VIPR2: variants seen among roughly 807,000 people sequenced by gnomAD.
VIPR2 encodes the protein vasoactive intestinal polypeptide receptor 2.
VIPR2 carries 48 observed loss-of-function variants against 58.0 expected under a neutral mutation model. That is an observed-to-expected ratio of 0.83 (90% confidence interval 0.66 to 1.05). The LOEUF is 1.05. Among genes scored for constraint, VIPR2 ranks in the 50% least tolerant of loss-of-function variants. VIPR2 has a pLI of 0.00. For synonymous variants in VIPR2, 243 were observed against 235.2 expected (o/e 1.03, Z -0.30); for missense variants, 534 against 558.0 (o/e 0.96, Z 0.43).
rs1022182568 is a variant in VIPR2, at chr7:159,036,004, T to A, written c.757A>T (p.Thr253Ser). Residue 253 changes from threonine (T) to serine (S), a missense_variant, in exon 8 of 13, where the codon ACC becomes TCC. Thr to Ser is a moderately conservative substitution (Grantham distance 58). Around this residue, in one of 3 missense-constraint regions of VIPR2, gnomAD observed 306 missense variants for 285.8 expected, o/e 1.07. Coordinates refer to ENST00000262178, the MANE Select transcript of VIPR2 (RefSeq NM_003382.5). ...GCAGTCCATGCACCGATGCAGACGGTGGGGAGGCCTGCAGAGAGACGCCTG... is the reference window on the plus strand; with the variant it reads ...GCAGTCCATGCACCGATGCAGACGGAGGGGAGGCCTGCAGAGAGACGCCTG... The part of the protein sequence containing the change: ...AYLLIGWGLP[T>S]VCIGAWTAAR... 5 of 1,613,010 alleles carry A rather than the reference T, an allele frequency of 3.1e-6. No individual in the cohort carries two copies. The African/African-American group carries it at 5.3e-5, about 17-fold the overall frequency.
chr7:159,037,154 C>G (rs912158708), intron 6 of VIPR2, among the ~76,000 whole-genome samples: 6 of 152,196 alleles, frequency 3.9e-5, no homozygotes, highest in African/African-American at 1.4e-4. Context: ...AACAGCACTG[C>G]CTGAGGTGAG....
At chr7:159,053,328 C>T (rs1855116304) in intron 5 of VIPR2, among the ~76,000 whole-genome samples, 1 of 151,876 alleles carries the variant, frequency 6.6e-6, no homozygotes, top group Non-Finnish European at 1.5e-5. Flanking sequence ...ATTTATAATA[C>T]CATAAACAAA....
chr7:159,122,570 A>G (rs956631288), intron 2 of VIPR2, among the ~76,000 whole-genome samples: 1 of 152,170 alleles, frequency 6.6e-6, no homozygotes, highest in African/African-American at 2.4e-5. Flanking sequence ...GTGCTGGCTG[A>G]CTGTGTTTCT....
intron 4 of VIPR2, among the ~76,000 whole-genome samples, chr7:159,073,898 C>G (rs1856522057): frequency 6.6e-6 from 1 of 152,162 alleles, no homozygotes; most frequent in African/African-American, 2.4e-5. Context: ...GAAGAAAATG[C>G]ACACAGGCAT....
At chr7:159,053,945 T>C (rs1430359957) in intron 5 of VIPR2, among the ~76,000 whole-genome samples, 1 of 152,114 alleles carries the variant, frequency 6.6e-6, no homozygotes, top group Non-Finnish European at 1.5e-5. Flanking sequence ...AATTAAAAAA[T>C]AAAAAAGGGT....
intron 4 of VIPR2, among the ~76,000 whole-genome samples, chr7:159,066,698 A>G (rs1212712891): frequency 1.3e-5 from 2 of 152,226 alleles, no homozygotes; most frequent in Non-Finnish European, 2.9e-5. Flanking sequence ...GAGCTCAGTG[A>G]TGATATTTCA....
chr7:159,132,924 C>CAGAATGATTGGCATACAGATTGATTTG (rs1797019787), intron 2 of VIPR2, among the ~76,000 whole-genome samples: 32 of 25,838 alleles, frequency 1.2e-3, no homozygotes, highest in South Asian at 4.3e-3. Flanking sequence ...AGATTGATTT[C>CAGAATGATTGGCATACAGATTGATTTG]AGACAGAATG....
chr7:159,074,688 A>G (rs760980248), intron 4 of VIPR2, among the ~76,000 whole-genome samples: 1 of 152,250 alleles, frequency 6.6e-6, no homozygotes, highest in Non-Finnish European at 1.5e-5. Flanking sequence ...CTAGAAATCT[A>G]TAACAACTTG....
chr7:159,059,139 C>A, intron 4 of VIPR2: 1 of 427,958 alleles, frequency 2.3e-6, no homozygotes, highest in Non-Finnish European at 4.8e-6. Flanking sequence ...TTAATCTCCA[C>A]GAAATCATCA....
intron 5 of VIPR2, among the ~76,000 whole-genome samples, chr7:159,057,226 T>G (rs1383283598): frequency 2.6e-5 from 4 of 152,214 alleles, no homozygotes; most frequent in African/African-American, 9.6e-5. Flanking sequence ...ACTTAAAAAT[T>G]TAAACATATA....
Position 159,036,844 on chromosome 7 carries a change from CAGA to C in VIPR2, c.653_655del (p.Phe218del), listed in dbSNP as rs1387030630. The C allele has an allele frequency of 4.3e-6, 7 of 1,613,924 alleles. No individual in the cohort carries two copies. The highest frequency in any genetic ancestry group is 2.2e-5 in the South Asian group (2 of 91,084). The stretch of plus-strand genomic sequence containing the variant: ...GAGGTAGAGCCCCTCCACCAGCAGC[CAGA>C]AGAAGTTGGCCATGATGCAGTACTG... On this transcript the variant is annotated inframe_deletion, in exon 7 of 13. Coordinates refer to ENST00000262178, the MANE Select transcript of VIPR2 (RefSeq NM_003382.5).
intron 1 of VIPR2, among the ~76,000 whole-genome samples, chr7:159,143,769 A>C (rs773959591): frequency 3.3e-5 from 5 of 152,398 alleles, no homozygotes; most frequent in Middle Eastern, 3.4e-3. Context: ...GAATATGCAC[A>C]GCAATGACTT....
intron 5 of VIPR2, among the ~76,000 whole-genome samples, chr7:159,047,055 T>G (rs1372459829): frequency 6.6e-6 from 1 of 152,100 alleles, no homozygotes; most frequent in South Asian, 2.1e-4. Flanking sequence ...ACTAACAAGG[T>G]GAAACCCTGT....
chr7:159,106,440 C>CAGAGAGGCCAGGGAGGGGCAG (rs1858655774), intron 3 of VIPR2, among the ~76,000 whole-genome samples: 3 of 139,326 alleles, frequency 2.2e-5, no homozygotes, highest in African/African-American at 8.4e-5. Flanking sequence ...CAGGGAGGGG[C>CAGAGAGGCCAGGGAGGGGCAG]AGAGAGGCCA....
chr7:159,030,762 G>C lies in VIPR2; in HGVS notation c.1171C>G (p.Arg391Gly). Residue 391 changes from arginine to glycine, a missense_variant, in exon 13 of 13, where the codon CGA becomes GGA. Around this residue, in one of 3 missense-constraint regions of VIPR2, gnomAD observed 306 missense variants for 285.8 expected, o/e 1.07. Transcript: ENST00000262178. ...EVQCELKRKW[R>G]SRCPTPSASR... ...GCGGACGGGGTCGGGCACCGGCTTCGCCATTTTCGCTTCAGCTCGCACTGC... is the reference window on the plus strand; with the variant it reads ...GCGGACGGGGTCGGGCACCGGCTTCCCCATTTTCGCTTCAGCTCGCACTGC... 1.3e-6 allele frequency: 2 copies of C among 1,593,086 alleles called. No homozygotes were observed. Among genetic ancestry groups the C allele is most frequent in the Non-Finnish European group, 1.7e-6 (2 of 1,171,110 alleles).
chr7:159,058,611 G>A, intron 4 of VIPR2, 33 bp from the exon 5 acceptor site: 3 of 1,488,868 alleles, frequency 2.0e-6, no homozygotes, highest in Non-Finnish European at 2.8e-6. Context: ...TGTAAGCTGA[G>A]GGTGACCAGC....
rs557513697 is a variant in VIPR2 at position 159,064,227 on chromosome 7, T to C, written c.358-5649A>G. ...CACGCGCCGGGCCAGGAGGGCTCCTTCTTCCCGCATTTCACGGGAGCCCCG... is the reference window on the plus strand; with the variant it reads ...CACGCGCCGGGCCAGGAGGGCTCCTCCTTCCCGCATTTCACGGGAGCCCCG... On this transcript the variant is annotated intron_variant, in intron 4 of 12. Coordinates refer to ENST00000262178, the MANE Select transcript of VIPR2 (RefSeq NM_003382.5). Among the ~76,000 whole-genome samples, 177 of 152,022 alleles carry C rather than the reference T, an allele frequency of 1.2e-3. 1 individual carries two copies. The highest frequency in any genetic ancestry group is 2.7e-3 in the South Asian group (13 of 4,808).
At chr7:159,067,951 C>G (rs60492734) in intron 4 of VIPR2, among the ~76,000 whole-genome samples, 1 of 152,224 alleles carries the variant, frequency 6.6e-6, no homozygotes. Context: ...GCAGGTGCTG[C>G]GGGGGCCGCT....
chr7:159,135,010 T>TG (rs1187339372), intron 2 of VIPR2, among the ~76,000 whole-genome samples: 3 of 120,542 alleles, frequency 2.5e-5, no homozygotes, highest in African/African-American at 1.1e-4. Flanking sequence ...AAAAGTTTTT[T>TG]TTTTTTTTTT....
Sources: allele counts gnomAD v4.1 joint callset (sites outside exome capture counted in the v4.1 genomes callset), GRCh38; gene constraint gnomAD v4.1.1; regional missense constraint gnomAD v4.1.1; transcripts MANE v1.5; gene names NCBI Gene and HGNC (gene_info 2026-07-23, HGNC 2026-07-21).